The following YTHDF1 variants were observed in gnomAD, a reference collection of about 807,000 sequenced individuals.
The protein encoded by YTHDF1 is YTH N6-methyladenosine RNA binding protein F1.
A neutral mutation model predicts 49.1 loss-of-function variants in YTHDF1; 16 were observed. The observed-to-expected ratio is 0.33, with a 90% CI of 0.22 to 0.49. The LOEUF is 0.49. YTHDF1 is among the 20% of genes least tolerant of loss of function. The probability of loss-of-function intolerance (pLI) is 0.99; values close to 1 mark genes in which losing one functional copy is unlikely to be tolerated. For synonymous variants in YTHDF1, 313 were observed against 290.1 expected (o/e 1.08, Z -0.80); for missense variants, 621 against 744.3 (o/e 0.83, Z 1.93).
chr20:63,204,310 C>T (rs972023822), intron 3 of YTHDF1, among the ~76,000 whole-genome samples: 5 of 152,228 alleles, frequency 3.3e-5, no homozygotes, highest in African/African-American at 1.2e-4. Context: ...ACTCAGCAGG[C>T]CCTGGGCGCC....
At chr20:63,198,012 G>A (rs917383209) in intron 4 of YTHDF1, among the ~76,000 whole-genome samples, 5 of 152,094 alleles carry the variant, frequency 3.3e-5, no homozygotes, top group African/African-American at 1.2e-4. Context: ...AGAGTATTTG[G>A]ATTAAGGACC....
chr20:63,215,510 C>G (rs1356426242), intron 2 of YTHDF1, 67 bp downstream of exon 2: 2 of 1,608,328 alleles, frequency 1.2e-6, no homozygotes, highest in African/African-American at 1.3e-5. Flanking sequence ...GACGCAGCTT[C>G]CTGGACCGTT....
chr20:63,213,479 C>T (rs1473004851), intron 3 of YTHDF1, among the ~76,000 whole-genome samples: 2 of 152,190 alleles, frequency 1.3e-5, no homozygotes, highest in Non-Finnish European at 2.9e-5. Context: ...ACAGTCGCTC[C>T]ACAGCCCAGC....
At position 63,196,257 on chromosome 20, in the gene YTHDF1, A is replaced by T. The variant is rs1425553914; in HGVS notation, c.*451T>A. ...AAATGACAAATCAGAATGAACAAAA[A>T]ATCATTAACCTTTTGATTTCAGTAT... is the stretch of plus-strand genomic sequence containing the variant. On this transcript the variant is annotated 3_prime_UTR_variant, in exon 5 of 5. Transcript: ENST00000370339. 6.5e-6 allele frequency: 1 copy of T among 153,294 alleles called. No homozygotes were observed. The highest frequency in any genetic ancestry group is 1.9e-4 in the East Asian group (1 of 5,250). The allele number at this position is 153,294 out of a possible 1,614,324, so 9.5% of individuals were successfully genotyped here.
chr20:63,207,642 T>C (rs2066553703), intron 3 of YTHDF1, among the ~76,000 whole-genome samples: 1 of 152,196 alleles, frequency 6.6e-6, no homozygotes, highest in Non-Finnish European at 1.5e-5. Context: ...AGAAGACTGC[T>C]GAACACTTCC....
intron 2 of YTHDF1, among the ~76,000 whole-genome samples, 170 bp downstream of exon 2, chr20:63,215,407 C>G (rs2066596650): frequency 6.6e-6 from 1 of 152,200 alleles, no homozygotes; most frequent in African/African-American, 2.4e-5. Context: ...TGAGAAGCCC[C>G]TGTCTTCGAC....
At chr20:63,207,691 G>A (rs2066553963) in intron 3 of YTHDF1, among the ~76,000 whole-genome samples, 1 of 151,998 alleles carries the variant, frequency 6.6e-6, no homozygotes, top group Admixed American at 6.6e-5. Context: ...GCGGAGAACT[G>A]ACGACCTCAT....
chr20:63,203,269 A>C lies in YTHDF1; in HGVS notation c.671T>G (p.Val224Gly), dbSNP rs1325518710. The change falls in exon 4 of 5, where the codon GTG (valine) becomes GGG (glycine). Residue 224 changes from valine to glycine, a missense_variant. Val to Gly is a moderately radical substitution (Grantham distance 109). This residue lies in a region of YTHDF1 where 470 missense variants were observed against 495.8 expected (regional missense o/e 0.95). Transcript: ENST00000370339. The surrounding 1 kb of genome is among the most constrained non-coding windows in gnomAD (Gnocchi z 4.4). ...GVLSGNGGTN[V>G]NMPVSKPTSW... Reference sequence around the variant, plus strand: ...GGTCGGCTTTGAAACTGGCATGTTCACATTTGTCCCACCGTTGCCAGAAAG... The same window carrying C: ...GGTCGGCTTTGAAACTGGCATGTTCCCATTTGTCCCACCGTTGCCAGAAAG... 1 of 1,613,794 alleles carries C rather than the reference A, an allele frequency of 6.2e-7. No homozygotes were observed. The highest frequency in any genetic ancestry group is 8.5e-7 in the Non-Finnish European group (1 of 1,180,044).
chr20:63,200,880 A>G (rs2066514037), intron 4 of YTHDF1, among the ~76,000 whole-genome samples: 3 of 152,136 alleles, frequency 2.0e-5, no homozygotes, highest in Admixed American at 6.5e-5. Context: ...GCAATTCAGT[A>G]TTCATTTTAT....
At chr20:63,197,332 C>A (rs1216830917) in intron 4 of YTHDF1, among the ~76,000 whole-genome samples, 1 of 152,146 alleles carries the variant, frequency 6.6e-6, no homozygotes. Context: ...GAAGAGCATG[C>A]CCCTCCCCAC....
chr20:63,199,845 G>A (rs1209124462), intron 4 of YTHDF1, among the ~76,000 whole-genome samples: 1 of 151,550 alleles, frequency 6.6e-6, no homozygotes, highest in African/African-American at 2.4e-5. Flanking sequence ...GACTGTTTGA[G>A]CCCAGGAGTT....
At chr20:63,213,230 G>C (rs894011284) in intron 3 of YTHDF1, among the ~76,000 whole-genome samples, 1 of 152,202 alleles carries the variant, frequency 6.6e-6, no homozygotes, top group East Asian at 1.9e-4. Flanking sequence ...TCAGGAGTTT[G>C]AGACCAGCCT....
chr20:63,210,176 T>TA (rs2066567392), intron 3 of YTHDF1, among the ~76,000 whole-genome samples: 1 of 152,080 alleles, frequency 6.6e-6, no homozygotes, highest in South Asian at 2.1e-4. Flanking sequence ...AGCACCATCA[T>TA]AGTCTTATGG....
At chr20:63,199,685 A>G (rs1034961407) in intron 4 of YTHDF1, among the ~76,000 whole-genome samples, 1 of 152,200 alleles carries the variant, frequency 6.6e-6, no homozygotes, top group Non-Finnish European at 1.5e-5. Context: ...CTTCGCAGGC[A>G]GGGAGAGCCA....
chr20:63,213,702 G>A (rs1278934792), intron 3 of YTHDF1, among the ~76,000 whole-genome samples, 162 bp downstream of exon 3: 1 of 152,096 alleles, frequency 6.6e-6, no homozygotes, highest in African/African-American at 2.4e-5. Flanking sequence ...TGATGCCCAA[G>A]GTTAACAGGA....
At chr20:63,202,197 T>C in intron 4 of YTHDF1, 90 bp downstream of exon 4, 1 of 1,495,178 alleles carries the variant, frequency 6.7e-7, no homozygotes, top group Non-Finnish European at 9.0e-7. Flanking sequence ...TCGGCGGACC[T>C]GCCGCATCTG....
At chr20:63,213,059 A>ACT (rs969160534) in intron 3 of YTHDF1, among the ~76,000 whole-genome samples, 2 of 151,990 alleles carry the variant, frequency 1.3e-5, no homozygotes, top group African/African-American at 4.8e-5. Flanking sequence ...AACAGTTACT[A>ACT]CTCTCTCTCT....
chr20:63,210,469 C>T (rs975695284), intron 3 of YTHDF1, among the ~76,000 whole-genome samples: 24 of 152,162 alleles, frequency 1.6e-4, no homozygotes, highest in South Asian at 2.1e-4. Context: ...AACCAGAAGT[C>T]CCCGAGCAGG....
chr20:63,202,936 T>C lies in YTHDF1; in HGVS notation c.1004A>G (p.Asn335Ser), dbSNP rs1203923399. 1 of 1,613,934 alleles carries C rather than the reference T, an allele frequency of 6.2e-7. No individual in the cohort carries two copies. Among genetic ancestry groups the C allele is most frequent in the Non-Finnish European group, 8.5e-7 (1 of 1,180,060 alleles). ...CCCTCCGCTCTGCCCAAACGCCGCG[T>C]TTCTGTTGCGTGGGGCAACCCAGCG... ...QTRWVAPRNRNAAFGQSGGAG... is the reference protein window; with the variant it reads ...QTRWVAPRNRSAAFGQSGGAG... The change falls in exon 4 of 5, where the codon AAC becomes AGC. Residue 335 changes from asparagine to serine, a missense_variant. Around this residue, in one of 2 missense-constraint regions of YTHDF1, gnomAD observed 470 missense variants for 495.8 expected, o/e 0.95. Transcript: ENST00000370339.
Sources: allele counts gnomAD v4.1 joint callset (sites outside exome capture counted in the v4.1 genomes callset), GRCh38; gene constraint gnomAD v4.1.1; regional missense constraint gnomAD v4.1.1; non-coding constraint Gnocchi (gnomAD v3.1); transcripts MANE v1.5; gene names NCBI Gene and HGNC (gene_info 2026-07-23, HGNC 2026-07-21).